The following RNF168 variants were observed in gnomAD, a reference collection of about 807,000 sequenced individuals.
RNF168 encodes E3 ubiquitin-protein ligase RNF168.
Under a neutral mutation model 34.9 loss-of-function variants are expected in RNF168, and 34 were observed. That is an observed-to-expected ratio of 0.97 (90% CI 0.74 to 1.30). The LOEUF is 1.30. RNF168 is among the 50% of genes most tolerant of loss of function. The pLI, the probability that RNF168 is intolerant of heterozygous loss-of-function variation, is 0.00. For synonymous variants in RNF168, 264 were observed against 254.7 expected (o/e 1.04, Z -0.35); for missense variants, 725 against 682.5 (o/e 1.06, Z -0.69).
chr3:196,494,880 T>A (rs1199841013), intron 1 of RNF168, among the ~76,000 whole-genome samples: 1 of 151,958 alleles, frequency 6.6e-6, no homozygotes, highest in Non-Finnish European at 1.5e-5. Context: ...AAAATTAGCC[T>A]GGCGTAGTGG....
intron 2 of RNF168, among the ~76,000 whole-genome samples, chr3:196,488,309 A>T (rs774711944): frequency 1.1e-4 from 17 of 152,000 alleles, no homozygotes; most frequent in Admixed American, 7.9e-4. Context: ...GTGAAACCCC[A>T]TCTCTACTAA....
intron 2 of RNF168, among the ~76,000 whole-genome samples, chr3:196,488,336 GC>G (rs1304715420): frequency 6.6e-6 from 1 of 151,956 alleles, no homozygotes; most frequent in Admixed American, 6.6e-5. Context: ...AAAAAAATTA[GC>G]CAGGCGTAGT....
intron 1 of RNF168, among the ~76,000 whole-genome samples, chr3:196,493,523 T>C (rs1445180393): frequency 1.3e-5 from 2 of 151,722 alleles, no homozygotes; most frequent in Non-Finnish European, 2.9e-5. Flanking sequence ...TCCAGTCCAT[T>C]TGCTATTTCT....
chr3:196,496,231 A>C (rs977368157), intron 1 of RNF168, among the ~76,000 whole-genome samples: 3 of 152,188 alleles, frequency 2.0e-5, no homozygotes, highest in Admixed American at 2.0e-4. Context: ...AAAATACAGC[A>C]ATTTATTTTC....
intron 4 of RNF168, among the ~76,000 whole-genome samples, chr3:196,479,304 T>C (rs7647487): frequency 0.56 from 84,340 of 149,488 alleles, 24,361 homozygotes; most frequent in Non-Finnish European, 0.63. Context: ...TGAGCCACCG[T>C]GCCTGGCTTC....
intron 1 of RNF168, among the ~76,000 whole-genome samples, chr3:196,499,457 T>C (rs1039090389): frequency 6.6e-6 from 1 of 152,166 alleles, no homozygotes; most frequent in Non-Finnish European, 1.5e-5. Flanking sequence ...TTTGTTACAG[T>C]AGCCCTAGGA....
Position 196,469,295 on chromosome 3 carries a change from T to C in RNF168, c.*2524A>G, listed in dbSNP as rs558876013. On this transcript the variant is annotated 3_prime_UTR_variant, in exon 6 of 6. Transcript: ENST00000318037. ...TTACTTAACGACCCATGTGATAGTATAGTTGCAAGCTATACTTCATTTAAC... is the reference window on the plus strand; with the variant it reads ...TTACTTAACGACCCATGTGATAGTACAGTTGCAAGCTATACTTCATTTAAC... 2 of 152,336 alleles carry C rather than the reference T, an allele frequency of 1.3e-5. 1 individual carries two copies. The highest frequency in any genetic ancestry group is 4.1e-4 in the South Asian group (2 of 4,832). 9.4% of individuals were successfully genotyped at this position (152,336 alleles called of 1,614,324 possible).
In RNF168 at chr3:196,483,805, A is replaced by T. The variant is rs1446881284; in HGVS notation, c.645T>A (p.Ser215Arg). ...DPVTPKSEKK[S>R]KNKQRNTGDI... ...CTCCAGTGTTTCTTTGTTTGTTCTT[A>T]CTTTTCTTTTCAGACTTGGGTGTAA... The change falls in exon 4 of 6, where the codon AGT (serine) becomes AGA (arginine). Residue 215 changes from serine (S) to arginine (R), a missense_variant. Coordinates refer to ENST00000318037, the MANE Select transcript of RNF168 (RefSeq NM_152617.4). 3.7e-6 allele frequency: 6 copies of T among 1,611,270 alleles called. No homozygotes were observed. Among genetic ancestry groups the T allele is most frequent in the South Asian group, 1.1e-5 (1 of 91,026 alleles).
chr3:196,483,979 T>G, intron 3 of RNF168, 88 bp from the exon 4 acceptor site: 1 of 1,014,386 alleles, frequency 9.9e-7, no homozygotes, highest in Non-Finnish European at 1.5e-6. Context: ...CAGAAATCCA[T>G]AGCATTTTTC....
intron 3 of RNF168, among the ~76,000 whole-genome samples, chr3:196,487,003 C>T (rs1000286622): frequency 3.3e-5 from 5 of 152,270 alleles, no homozygotes; most frequent in African/African-American, 4.8e-5. Context: ...TGCAGTGAGT[C>T]GTGATTGTGC....
rs1731996724 is a variant in RNF168, at chr3:196,471,240, CCCACA to C, written c.*574_*578del. 7.2e-6 allele frequency: 1 copy of C among 139,140 alleles called. No homozygotes were observed. The highest frequency in any genetic ancestry group is 1.5e-5 in the Non-Finnish European group (1 of 65,066). The allele number at this position is 139,140 out of a possible 1,614,324, so 8.6% of individuals were successfully genotyped here. On this transcript the variant is annotated 3_prime_UTR_variant, in exon 6 of 6. Coordinates refer to ENST00000318037, the MANE Select transcript of RNF168 (RefSeq NM_152617.4). ...AAAAAAAAAAAAAAATCTGGGATTT[CCCACA>C]TATGAATATGAATCCAAATTTTGAA...
At chr3:196,499,197 G>T (rs777018484) in intron 1 of RNF168, among the ~76,000 whole-genome samples, 3 of 151,968 alleles carry the variant, frequency 2.0e-5, no homozygotes, top group Non-Finnish European at 2.9e-5. Context: ...AGACACAGAG[G>T]AGACGGCCAT....
chr3:196,473,004 T>A (rs1732052322), intron 5 of RNF168, among the ~76,000 whole-genome samples: 1 of 152,072 alleles, frequency 6.6e-6, no homozygotes, highest in Admixed American at 6.6e-5. Context: ...CAGGTTCAAG[T>A]GATTCTCCTG....
At chr3:196,494,360 C>G (rs1732685907) in intron 1 of RNF168, among the ~76,000 whole-genome samples, 1 of 152,158 alleles carries the variant, frequency 6.6e-6, no homozygotes, top group African/African-American at 2.4e-5. Flanking sequence ...AAGTGGTCTT[C>G]CTAGGCGGCC....
chr3:196,472,105 CG>C lies in RNF168; in HGVS notation c.1429del (p.Arg477AlafsTer11). 1 of 1,613,788 alleles carries C rather than the reference CG, an allele frequency of 6.2e-7. No homozygotes were observed. On this transcript the variant is annotated frameshift_variant, in exon 6 of 6. Coordinates refer to ENST00000318037, the MANE Select transcript of RNF168 (RefSeq NM_152617.4). LOFTEE classifies it high-confidence loss of function. ...QKGSPDEYHL[R>X]ATSSPPDKVL... Reference sequence around the variant, plus strand: ...TTTGTCTGGAGGGGAGGATGTAGCGCGTAAGTGATACTCATCTGGGGATCCT... The same window carrying C: ...TTTGTCTGGAGGGGAGGATGTAGCGCTAAGTGATACTCATCTGGGGATCCT...
rs1245249731 is a variant in RNF168 at position 196,472,649 on chromosome 3, A to T, written c.886T>A (p.Ser296Thr). The change falls in exon 6 of 6, where the codon TCC becomes ACC. Residue 296 changes from serine (S) to threonine (T), a missense_variant. By Grantham distance (58) the Ser-to-Thr change is moderately conservative (BLOSUM62 1). Coordinates refer to ENST00000318037, the MANE Select transcript of RNF168 (RefSeq NM_152617.4). ...GEQGADSSIESPMPWLCACGA... is the reference protein window; with the variant it reads ...GEQGADSSIETPMPWLCACGA... ...CAGGCACATAACCATGGCATAGGGGACTCTATTGAAGAATCTGCACCTTGT... is the reference window on the plus strand; with the variant it reads ...CAGGCACATAACCATGGCATAGGGGTCTCTATTGAAGAATCTGCACCTTGT... The T allele has an allele frequency of 1.2e-6, 2 of 1,610,436 alleles. No individual in the cohort carries two copies. Among genetic ancestry groups the T allele is most frequent in the Admixed American group, 3.3e-5 (2 of 59,828 alleles).
At chr3:196,474,107 C>T (rs943763555) in intron 5 of RNF168, among the ~76,000 whole-genome samples, 4 of 149,948 alleles carry the variant, frequency 2.7e-5, no homozygotes, top group Non-Finnish European at 5.9e-5. Context: ...TACTAGCATA[C>T]TTTTTCTCAT....
intron 5 of RNF168, chr3:196,475,009 C>T: frequency 1.9e-6 from 1 of 516,068 alleles, no homozygotes; most frequent in South Asian, 2.1e-5. Flanking sequence ...AAAATATTCA[C>T]TCTCTTAGAG....
intron 4 of RNF168, among the ~76,000 whole-genome samples, chr3:196,480,021 A>G (rs1404367859): frequency 6.6e-6 from 1 of 152,180 alleles, no homozygotes; most frequent in African/African-American, 2.4e-5. Context: ...GGAGGGGGAC[A>G]CTGACTGGAA....
Sources: allele counts gnomAD v4.1 joint callset (sites outside exome capture counted in the v4.1 genomes callset), GRCh38; gene constraint gnomAD v4.1.1; transcripts MANE v1.5; gene names NCBI Gene and HGNC (gene_info 2026-07-23, HGNC 2026-07-21).